Variants in SBF2 observed in about 807,000 individuals in gnomAD.
SBF2 encodes the protein myotubularin-related protein 13.
Under a neutral mutation model 225.2 loss-of-function variants are expected in SBF2, and 112 were observed. The observed-to-expected ratio is 0.50, with a 90% confidence interval of 0.43 to 0.58. SBF2 has a LOEUF of 0.58. SBF2 is among the 20% of genes least tolerant of loss of function. The pLI, the probability that SBF2 is intolerant of heterozygous loss-of-function variation, is 0.00. For synonymous variants in SBF2, 763 were observed against 773.3 expected (o/e 0.99, Z 0.22); for missense variants, 1,996 against 2,206.2 (o/e 0.90, Z 1.91).
chr11:10,195,137 C>A (rs988960571), intron 1 of SBF2, among the ~76,000 whole-genome samples: 2 of 152,138 alleles, frequency 1.3e-5, no homozygotes, highest in African/African-American at 4.8e-5. Flanking sequence ...CAGATGGATA[C>A]TTCTTTGGGG....
chr11:10,151,147 G>A (rs567085993), intron 2 of SBF2, among the ~76,000 whole-genome samples: 2 of 152,218 alleles, frequency 1.3e-5, no homozygotes, highest in African/African-American at 4.8e-5. Context: ...CTTCAGGGAC[G>A]CAATAACATT....
At chr11:9,947,914 C>T (rs1865657489) in intron 16 of SBF2, among the ~76,000 whole-genome samples, 2 of 152,096 alleles carry the variant, frequency 1.3e-5, no homozygotes, top group South Asian at 4.1e-4. Context: ...ACCATAAGAT[C>T]CAGCAATTCT....
At chr11:9,927,283 T>C (rs1012557199) in intron 16 of SBF2, among the ~76,000 whole-genome samples, 1 of 152,196 alleles carries the variant, frequency 6.6e-6, no homozygotes, top group African/African-American at 2.4e-5. Context: ...CCTGGATATC[T>C]TTATTTATGA....
intron 16 of SBF2, among the ~76,000 whole-genome samples, chr11:9,910,201 A>G (rs1384308001): frequency 2.0e-5 from 3 of 152,324 alleles, no homozygotes; most frequent in East Asian, 1.9e-4. Context: ...TGGTGGTCAC[A>G]TATGACTATA....
At chr11:9,801,862 G>A (rs545564983) in intron 32 of SBF2, among the ~76,000 whole-genome samples, 2 of 152,320 alleles carry the variant, frequency 1.3e-5, no homozygotes, top group Non-Finnish European at 2.9e-5. Flanking sequence ...CTGTGTGGGG[G>A]CAGCTTAGCT....
chr11:9,831,144 C>T (rs986661832), intron 27 of SBF2, among the ~76,000 whole-genome samples: 1 of 152,060 alleles, frequency 6.6e-6, no homozygotes. Context: ...GACTCAGGCA[C>T]GTGCCACCAC....
chr11:9,871,470 C>CTTATGATTA (rs1554934600), intron 17 of SBF2, among the ~76,000 whole-genome samples: 1 of 136,944 alleles, frequency 7.3e-6, no homozygotes, highest in African/African-American at 2.7e-5. Flanking sequence ...CAGGATGACG[C>CTTATGATTA]TTATTATTAT....
Position 9,886,772 on chromosome 11 carries a change from T to G in SBF2, c.1929+9171A>C, listed in dbSNP as rs146021034. On this transcript the variant is annotated intron_variant, in intron 17 of 39. Transcript: ENST00000256190. ...CTTTATCTCATTCCCACCTGCAAGA[T>G]AAATGCTCATTTATCATTCATGGGC... 6.5e-3 allele frequency among the ~76,000 whole-genome samples: 955 copies of G among 147,968 alleles called. 5 individuals are homozygous for G. Among genetic ancestry groups the G allele is most frequent in the Non-Finnish European group, 9.8e-3 (655 of 67,092 alleles).
At chr11:9,941,217 A>G (rs973207096) in intron 16 of SBF2, among the ~76,000 whole-genome samples, 1 of 152,162 alleles carries the variant, frequency 6.6e-6, no homozygotes, top group African/African-American at 2.4e-5. Flanking sequence ...CAGGAGAGTG[A>G]GGTGGGAGGA....
intron 1 of SBF2, among the ~76,000 whole-genome samples, chr11:10,289,637 TGGACCCCAGGGATGCGGCCCTAGGC>T (rs1727982852): frequency 6.6e-6 from 1 of 151,958 alleles, no homozygotes; most frequent in South Asian, 2.1e-4. Flanking sequence ...TGATGCAGGG[TGGACCCCAGGGATGCGGCCCTAGGC>T]GGCCCTGCTC....
intron 16 of SBF2, among the ~76,000 whole-genome samples, chr11:9,912,488 G>A (rs989801052): frequency 1.3e-5 from 2 of 151,998 alleles, no homozygotes; most frequent in Non-Finnish European, 2.9e-5. Flanking sequence ...GGGAGGCTGA[G>A]GCAGAATAGC....
intron 17 of SBF2, among the ~76,000 whole-genome samples, chr11:9,858,615 G>C (rs950453911): frequency 6.6e-6 from 1 of 152,050 alleles, no homozygotes; most frequent in East Asian, 1.9e-4. Context: ...TTATCAAAAT[G>C]GGTATTTTAG....
chr11:9,854,101 G>T (rs141755693), intron 19 of SBF2, among the ~76,000 whole-genome samples: 21 of 152,308 alleles, frequency 1.4e-4, no homozygotes, highest in African/African-American at 4.8e-4. Context: ...TTATTACATA[G>T]AGAACAAGTA....
intron 2 of SBF2, among the ~76,000 whole-genome samples, chr11:10,161,331 G>A (rs1183032760): frequency 2.0e-5 from 3 of 151,850 alleles, no homozygotes; most frequent in Non-Finnish European, 4.4e-5. Context: ...AGGGTATGAA[G>A]CCTCACAGTG....
chr11:9,971,837 G>GGA (rs1946471584), intron 13 of SBF2, among the ~76,000 whole-genome samples: 1 of 152,076 alleles, frequency 6.6e-6, no homozygotes. Flanking sequence ...GAGTTAAGTG[G>GGA]GAGAGTTAAG....
chr11:9,928,100 A>T (rs1864195881), intron 16 of SBF2, among the ~76,000 whole-genome samples: 2 of 152,210 alleles, frequency 1.3e-5, no homozygotes, highest in African/African-American at 4.8e-5. Context: ...ATGAATAAAA[A>T]ATTGATAAAC....
chr11:9,910,214 G>C (rs1360488252), intron 16 of SBF2, among the ~76,000 whole-genome samples: 1 of 151,972 alleles, frequency 6.6e-6, no homozygotes, highest in African/African-American at 2.4e-5. Flanking sequence ...TGACTATAAT[G>C]GAGCTGAAAA....
At chr11:9,920,802 G>A (rs1332957651) in intron 16 of SBF2, among the ~76,000 whole-genome samples, 2 of 152,078 alleles carry the variant, frequency 1.3e-5, no homozygotes, top group South Asian at 2.1e-4. Flanking sequence ...GTCCAGGCAC[G>A]AGGACAGTGA....
intron 2 of SBF2, among the ~76,000 whole-genome samples, chr11:10,075,195 G>A (rs997657019): frequency 6.6e-6 from 1 of 152,088 alleles, no homozygotes; most frequent in South Asian, 2.1e-4. Flanking sequence ...TTATAATTTT[G>A]GTAAATTACC....
Sources: gnomAD v4.1 joint callset for allele counts (sites outside exome capture counted in the v4.1 genomes callset) on GRCh38, gnomAD v4.1.1 for gene constraint, MANE v1.5 for transcripts, NCBI Gene and HGNC (gene_info 2026-07-23, HGNC 2026-07-21) for gene names.